PRMT7: variants seen among roughly 807,000 people sequenced by gnomAD.
PRMT7 encodes the protein protein arginine methyltransferase 7.
Under a neutral mutation model 85.4 loss-of-function variants are expected in PRMT7, and 75 were observed. The ratio of observed to expected loss-of-function variants is 0.88; its 90% CI spans 0.73 to 1.06. The LOEUF is 1.06. Ranked by LOEUF, PRMT7 falls within the 50% of genes least tolerant of loss-of-function variation. The pLI, the probability that PRMT7 is intolerant of heterozygous loss-of-function variation, is 0.00. For synonymous variants in PRMT7, 397 were observed against 359.5 expected, an observed-to-expected ratio of 1.10 and a Z score of -1.18; for missense variants, 868 against 915.2, an observed-to-expected ratio of 0.95 and a Z score of 0.67.
chr16:68,320,712 C>T (rs1362355278), intron 3 of PRMT7, among the ~76,000 whole-genome samples: 3 of 152,180 alleles, frequency 2.0e-5, no homozygotes, highest in Non-Finnish European at 2.9e-5. Context: ...GGCCTGTTCC[C>T]AGCAGCTAAC....
At chr16:68,329,233 G>T (rs983710404) in intron 6 of PRMT7, 59 bp downstream of exon 6, 2 of 1,324,022 alleles carry the variant, frequency 1.5e-6, no homozygotes, top group South Asian at 2.4e-5. Flanking sequence ...GAGAGGAAAA[G>T]GGTTATTCCA....
chr16:68,334,010 A>T (rs998509986), intron 6 of PRMT7, among the ~76,000 whole-genome samples: 2 of 152,114 alleles, frequency 1.3e-5, no homozygotes, highest in African/African-American at 4.8e-5. Flanking sequence ...ACCTCAAGCG[A>T]TCTGCCTGCC....
At position 68,356,686 on chromosome 16, in the gene PRMT7, C is replaced by T. The variant is rs1442712389; in HGVS notation, c.1812-15C>T. On this transcript the variant is annotated splice_polypyrimidine_tract_variant and intron_variant, in intron 17 of 18. Coordinates refer to ENST00000441236, the MANE Select transcript of PRMT7 (RefSeq NM_019023.5). ...TTGTGTGACTACTTCTGCTGGGCCC[C>T]CCTCTCCTTGACAGGCCCGGGCAGA... 1.2e-6 allele frequency: 2 copies of T among 1,605,268 alleles called. No individual in the cohort carries two copies. Among genetic ancestry groups the T allele is most frequent in the Non-Finnish European group, 1.7e-6 (2 of 1,175,172 alleles).
Position 68,358,266 on chromosome 16 carries a change from C to G in PRMT7, c.*1042C>G, listed in dbSNP as rs1223115661. ...GGGGCAGGAACTCCCTCCCCTGCCCCCAGGCGTGCCCCTGAGGCCTGGCCC... is the reference window on the plus strand; with the variant it reads ...GGGGCAGGAACTCCCTCCCCTGCCCGCAGGCGTGCCCCTGAGGCCTGGCCC... On this transcript the variant is annotated 3_prime_UTR_variant, in exon 19 of 19. Transcript: ENST00000441236. The G allele has an allele frequency of 6.6e-6, 1 of 152,656 alleles. No homozygotes were observed. Among genetic ancestry groups the G allele is most frequent in the Non-Finnish European group, 1.5e-5 (1 of 68,068 alleles). The allele number at this position is 152,656 out of a possible 1,614,324, so 9.5% of individuals were successfully genotyped here.
At position 68,352,159 on chromosome 16, in the gene PRMT7, CT is replaced by C. The variant is rs2087484353; in HGVS notation, c.1414-88del. 71 of 1,386,212 alleles carry C rather than the reference CT, an allele frequency of 5.1e-5. No individual in the cohort carries two copies. In the South Asian group the frequency reaches 8.8e-4, roughly 17 times the overall value. 85.9% of individuals were successfully genotyped at this position (1,386,212 alleles called of 1,614,324 possible). On this transcript the variant is annotated intron_variant, in intron 14 of 18. Transcript: ENST00000441236. ...GGGAGTGAGGGAGTGACTTGAGTGACTGAGTGGCCTGTTGCTTCCGTGTTCC... is the reference window on the plus strand; with the variant it reads ...GGGAGTGAGGGAGTGACTTGAGTGACGAGTGGCCTGTTGCTTCCGTGTTCC...
chr16:68,324,665 C>T lies in PRMT7; in HGVS notation c.133-18C>T, dbSNP rs771503121. ...ACTTATAATAACTGGTAGTAAGTGACGGCCATGTCTTCCTTAGAATGTAAA... is the reference window on the plus strand; with the variant it reads ...ACTTATAATAACTGGTAGTAAGTGATGGCCATGTCTTCCTTAGAATGTAAA... On this transcript the variant is annotated intron_variant, in intron 4 of 18. Transcript: ENST00000441236. 25 of 1,613,514 alleles carry T rather than the reference C, an allele frequency of 1.5e-5. No individual in the cohort carries two copies. The South Asian group carries it at 2.2e-4, about 14-fold the overall frequency.
At chr16:68,336,711 CT>C (rs2084743075) in intron 6 of PRMT7, among the ~76,000 whole-genome samples, 1 of 151,726 alleles carries the variant, frequency 6.6e-6, no homozygotes, top group African/African-American at 2.4e-5. Context: ...ATATTTTTAC[CT>C]GGTTTCTTTT....
chr16:68,352,500 G>T, intron 15 of PRMT7, 91 bp downstream of exon 15: 2 of 1,296,700 alleles, frequency 1.5e-6, no homozygotes, highest in Non-Finnish European at 2.1e-6. Context: ...CCTGTAGAGC[G>T]GCTCAGGCCT....
chr16:68,343,347 G>A (rs2085837321), intron 9 of PRMT7, among the ~76,000 whole-genome samples: 1 of 152,182 alleles, frequency 6.6e-6, no homozygotes, highest in Non-Finnish European at 1.5e-5. Context: ...AGGGATTGGA[G>A]CGGGGCCTTG....
intron 2 of PRMT7, chr16:68,315,560 C>A: frequency 4.1e-6 from 1 of 244,334 alleles, no homozygotes; most frequent in Non-Finnish European, 8.0e-6. Flanking sequence ...CATCTCTTCT[C>A]CTAGCCTTGA....
Position 68,324,810 on chromosome 16 carries a change from C to G in PRMT7, c.260C>G (p.Ala87Gly), listed in dbSNP as rs531518221. ...LLSMMAVTAG[A>G]DFCYAIEVFK... The stretch of plus-strand genomic sequence containing the variant: ...TCAATGATGGCGGTCACAGCAGGTG[C>G]CGACTTCTGCTATGCCATCGAGGTA... Residue 87 changes from alanine (A) to glycine (G), a missense_variant, in exon 5 of 19, where the codon GCC becomes GGC. By Grantham distance (60) the Ala-to-Gly change is moderately conservative (BLOSUM62 0). Coordinates refer to ENST00000441236, the MANE Select transcript of PRMT7 (RefSeq NM_019023.5). The G allele has an allele frequency of 6.2e-7, 1 of 1,614,096 alleles. No homozygotes were observed. Among genetic ancestry groups the G allele is most frequent in the African/African-American group, 1.3e-5 (1 of 75,048 alleles).
At chr16:68,344,731 GTTAT>G (rs1212322116) in intron 9 of PRMT7, among the ~76,000 whole-genome samples, 1 of 152,060 alleles carries the variant, frequency 6.6e-6, no homozygotes, top group Non-Finnish European at 1.5e-5. Context: ...AGAATATTCA[GTTAT>G]TTAAATACTT....
chr16:68,312,362 A>G (rs1372198450), intron 2 of PRMT7, among the ~76,000 whole-genome samples, 186 bp downstream of exon 2: 1 of 151,744 alleles, frequency 6.6e-6, no homozygotes, highest in Non-Finnish European at 1.5e-5. Flanking sequence ...AGCTGGGAGT[A>G]ACTGGGACTA....
intron 17 of PRMT7, among the ~76,000 whole-genome samples, chr16:68,356,127 T>A (rs1234358190): frequency 6.6e-6 from 1 of 152,204 alleles, no homozygotes; most frequent in Non-Finnish European, 1.5e-5. Context: ...TGAGGCTCCC[T>A]TGTTGGATCA....
downstream of PRMT7, chr16:68,358,942 T>C (rs1308191009): frequency 1.3e-5 from 2 of 152,216 alleles, no homozygotes; most frequent in Non-Finnish European, 2.9e-5. Flanking sequence ...CTGAGGGAGG[T>C]GTGCGGGGGC....
chr16:68,326,110 A>T (rs2083084713), intron 5 of PRMT7, among the ~76,000 whole-genome samples: 1 of 152,188 alleles, frequency 6.6e-6, no homozygotes, highest in African/African-American at 2.4e-5. Context: ...CCAAATAAAA[A>T]TAGTATGTTG....
chr16:68,347,596 A>T, intron 12 of PRMT7, 35 bp from the exon 13 acceptor site: 1 of 1,597,458 alleles, frequency 6.3e-7, no homozygotes, highest in Non-Finnish European at 8.6e-7. Flanking sequence ...TGTTAAGTGA[A>T]TATCTTACAA....
chr16:68,353,917 A>T (rs2087840447), intron 16 of PRMT7, among the ~76,000 whole-genome samples: 2 of 152,158 alleles, frequency 1.3e-5, no homozygotes, highest in South Asian at 4.1e-4. Flanking sequence ...GGGGTACCTG[A>T]GGAGATTCCC....
At chr16:68,350,841 G>C (rs899904710) in intron 14 of PRMT7, among the ~76,000 whole-genome samples, 3 of 152,198 alleles carry the variant, frequency 2.0e-5, no homozygotes, top group Non-Finnish European at 4.4e-5. Context: ...TTCGTGGCTG[G>C]CCTCTCATGT....
Sources: gnomAD v4.1 joint callset for allele counts (sites outside exome capture counted in the v4.1 genomes callset) on GRCh38, gnomAD v4.1.1 for gene constraint, MANE v1.5 for transcripts, NCBI Gene and HGNC (gene_info 2026-07-23, HGNC 2026-07-21) for gene names.